Variants in CD5 observed in about 807,000 individuals in gnomAD.
CD5 encodes the protein CD5 molecule.
CD5 carries 36 observed loss-of-function variants against 60.3 expected under a neutral mutation model. That is an observed-to-expected ratio of 0.60 (90% confidence interval 0.46 to 0.79). The LOEUF is 0.79. Among genes scored for constraint, CD5 ranks in the 30% least tolerant of loss-of-function variants. The pLI is 0.00. For synonymous variants in CD5, 230 were observed against 257.6 expected (o/e 0.89, Z 1.03); for missense variants, 540 against 630.6 (o/e 0.86, Z 1.54).
At chr11:61,102,458 AC>A, upstream of CD5, 1 of 313,952 alleles carries the variant, frequency 3.2e-6, no homozygotes, top group South Asian at 2.5e-5. Flanking sequence ...CTCCCTGAGC[AC>A]GCCACCCCGC....
chr11:61,099,369 A>G (rs1483903521), upstream of CD5, among the ~76,000 whole-genome samples: 1 of 151,614 alleles, frequency 6.6e-6, no homozygotes, highest in Non-Finnish European at 1.5e-5. Context: ...TCACACACAC[A>G]CATCAACATG....
At chr11:61,116,488 C>CCA (rs200407058) in intron 2 of CD5, among the ~76,000 whole-genome samples, 1 of 123,894 alleles carries the variant, frequency 8.1e-6, no homozygotes, top group East Asian at 2.5e-4. Flanking sequence ...CATACACACC[C>CCA]CACACACACC....
At chr11:61,104,152 CTGTG>C (rs199617185) in intron 1 of CD5, among the ~76,000 whole-genome samples, 1 of 151,750 alleles carries the variant, frequency 6.6e-6, no homozygotes, top group African/African-American at 2.4e-5. Context: ...GTGTGTGAGT[CTGTG>C]TGTGGGAGTC....
At chr11:61,124,087 A>G (rs1861111980) in intron 8 of CD5, 150 bp downstream of exon 8, 6 of 674,866 alleles carry the variant, frequency 8.9e-6, no homozygotes, top group Non-Finnish European at 1.6e-5. Context: ...GACTGTGGCC[A>G]ACAGACGTCC....
chr11:61,106,701 G>A (rs1239509389), intron 1 of CD5, among the ~76,000 whole-genome samples: 2 of 152,152 alleles, frequency 1.3e-5, no homozygotes, highest in Non-Finnish European at 2.9e-5. Flanking sequence ...GTGTGTGTGT[G>A]TCCATGTGCT....
At chr11:61,100,533 T>G (rs1413142312), upstream of CD5, among the ~76,000 whole-genome samples, 21 of 102,654 alleles carry the variant, frequency 2.0e-4, 1 homozygote, top group Admixed American at 6.8e-4. Flanking sequence ...GAGATCACAT[T>G]CACACACATA....
At chr11:61,100,730 A>G (rs1860662591), upstream of CD5, among the ~76,000 whole-genome samples, 1 of 148,010 alleles carries the variant, frequency 6.8e-6, no homozygotes, top group Non-Finnish European at 1.5e-5. Context: ...GATCACACAC[A>G]CACATCAACA....
chr11:61,102,129 C>T (rs900835255), upstream of CD5, among the ~76,000 whole-genome samples: 2 of 152,212 alleles, frequency 1.3e-5, no homozygotes, highest in Non-Finnish European at 2.9e-5. Flanking sequence ...GCCCATTTCC[C>T]GCCTCTCCCC....
At chr11:61,099,817 T>C (rs1860635498), upstream of CD5, among the ~76,000 whole-genome samples, 1 of 138,490 alleles carries the variant, frequency 7.2e-6, no homozygotes, top group African/African-American at 2.8e-5. Context: ...TACACACACA[T>C]CAACCCCAAC....
intron 1 of CD5, among the ~76,000 whole-genome samples, chr11:61,106,093 C>T (rs527536547): frequency 1.4e-5 from 2 of 142,758 alleles, no homozygotes; most frequent in African/African-American, 5.3e-5. Context: ...CCATTGCACT[C>T]CAGCCTGGGC....
Position 61,102,556 on chromosome 11 carries a change from A to G in CD5, c.-5A>G. The G allele has an allele frequency of 6.3e-7, 1 of 1,580,996 alleles. No individual in the cohort carries two copies. Among genetic ancestry groups the G allele is most frequent in the African/African-American group, 1.3e-5 (1 of 74,394 alleles). ...CCAGGCTGAGGCAAGAGAAGGCCAG[A>G]AACCATGCCCATGGGGTCTCTGCAA... is the stretch of plus-strand genomic sequence containing the variant. On this transcript the variant is annotated 5_prime_UTR_variant, in exon 1 of 11. Coordinates refer to ENST00000347785, the MANE Select transcript of CD5 (RefSeq NM_014207.4).
In CD5 at chr11:61,112,850, A is replaced by G. The variant is rs563074560; in HGVS notation, c.56-2206A>G. On this transcript the variant is annotated intron_variant, in intron 1 of 10. Transcript: ENST00000347785. ...GATGACTTCATTACAAAGAGTCTTGATTCGGGGACAAGGATGAACTGTGGA... is the reference window on the plus strand; with the variant it reads ...GATGACTTCATTACAAAGAGTCTTGGTTCGGGGACAAGGATGAACTGTGGA... 7.9e-5 allele frequency among the ~76,000 whole-genome samples: 12 copies of G among 152,354 alleles called. 2 individuals carry two copies. Among genetic ancestry groups the G allele is most frequent in the African/African-American group, 2.9e-4 (12 of 41,598 alleles).
At position 61,118,790 on chromosome 11, in the gene CD5, G is replaced by T; in HGVS notation, c.401-125G>T. On this transcript the variant is annotated intron_variant, in intron 3 of 10. Transcript: ENST00000347785. This position sits in a 1 kb window ranked among gnomAD's most constrained non-coding sequence, Gnocchi z 4.7. ...CAGGAGGCTTAGAGACAACGTGTGG[G>T]TCAAGTGGACCTGGTGTGCCAAGCG... 1 of 677,586 alleles carries T rather than the reference G, an allele frequency of 1.5e-6. No homozygotes were observed. Among genetic ancestry groups the T allele is most frequent in the South Asian group, 1.8e-5 (1 of 56,418 alleles). The allele number at this position is 677,586 out of a possible 1,614,324, so 42.0% of individuals were successfully genotyped here. A position where few individuals can be genotyped will look rare whatever the true frequency, so the allele number is the denominator to read the frequency against.
At chr11:61,123,061 T>G in intron 7 of CD5, 29 bp downstream of exon 7, 1 of 1,580,614 alleles carries the variant, frequency 6.3e-7, no homozygotes, top group Non-Finnish European at 8.6e-7. Context: ...AGTGGCTCCG[T>G]TCCCACGTGC....
chr11:61,125,687 C>G (rs1384576652), intron 9 of CD5, 64 bp from the exon 10 acceptor site: 1 of 1,188,844 alleles, frequency 8.4e-7, no homozygotes, highest in Admixed American at 1.9e-5. Context: ...GGCAGCGGCT[C>G]TAGGATCCAA....
At chr11:61,099,433 CACACACACATCAACATGGAG>C, upstream of CD5, among the ~76,000 whole-genome samples, 1 of 82,822 alleles carries the variant, frequency 1.2e-5, no homozygotes, top group African/African-American at 4.8e-5. Flanking sequence ...ATGGAGATCA[CACACACACATCAACATGGAG>C]ATTACACATA....
intron 6 of CD5, 64 bp from the exon 7 acceptor site, chr11:61,122,843 C>T (rs1034877449): frequency 1.4e-5 from 21 of 1,507,132 alleles, no homozygotes; most frequent in Non-Finnish European, 1.8e-5. Flanking sequence ...CAGCCAGCAG[C>T]TTCCCTCCCA....
At chr11:61,115,973 G>A (rs940944981) in intron 2 of CD5, among the ~76,000 whole-genome samples, 9 of 152,316 alleles carry the variant, frequency 5.9e-5, no homozygotes, top group African/African-American at 2.2e-4. Context: ...CTCGCTGGGC[G>A]GACAGCCTGC....
At chr11:61,114,804 A>G (rs1377632901) in intron 1 of CD5, among the ~76,000 whole-genome samples, 1 of 152,118 alleles carries the variant, frequency 6.6e-6, no homozygotes, top group Non-Finnish European at 1.5e-5. Flanking sequence ...AAGAAAAATC[A>G]ATTTCACGTC....
Sources: gnomAD v4.1 joint callset for allele counts (sites outside exome capture counted in the v4.1 genomes callset) on GRCh38, gnomAD v4.1.1 for gene constraint, Gnocchi (gnomAD v3.1) non-coding constraint, MANE v1.5 for transcripts, NCBI Gene and HGNC (gene_info 2026-07-23, HGNC 2026-07-21) for gene names.